ICA1: variants seen among roughly 807,000 people sequenced by gnomAD.
ICA1 encodes the protein islet cell autoantigen 1.
In ICA1, 40 loss-of-function variants were observed where a neutral mutation model predicts 71.0. That is an observed-to-expected ratio of 0.56 (90% CI 0.44 to 0.73). The LOEUF is 0.73. Among genes scored for constraint, ICA1 ranks in the 30% least tolerant of loss-of-function variants. The pLI is 0.00. For missense variants in ICA1, 578 were observed against 576.5 expected, an observed-to-expected ratio of 1.00 and a Z score of -0.03; for synonymous variants, 207 against 209.5, an observed-to-expected ratio of 0.99 and a Z score of 0.10.
At chr7:8,133,922 A>C (rs1792406968) in intron 12 of ICA1, among the ~76,000 whole-genome samples, 2 of 151,688 alleles carry the variant, frequency 1.3e-5, no homozygotes, top group Admixed American at 6.6e-5. Context: ...CAGATAAGGA[A>C]AAAGACCCAG....
At chr7:8,209,650 A>C (rs1374250490) in intron 6 of ICA1, among the ~76,000 whole-genome samples, 2 of 152,230 alleles carry the variant, frequency 1.3e-5, no homozygotes, top group Non-Finnish European at 2.9e-5. Context: ...CATTTATTGA[A>C]TATCTACCAA....
chr7:8,145,349 T>C (rs1212754107), intron 8 of ICA1, among the ~76,000 whole-genome samples: 1 of 152,124 alleles, frequency 6.6e-6, no homozygotes, highest in Non-Finnish European at 1.5e-5. Context: ...GGTCTCCTCA[T>C]AGTCTCCCAT....
intron 6 of ICA1, among the ~76,000 whole-genome samples, chr7:8,165,181 C>T (rs6463778): frequency 0.8 from 121,319 of 152,210 alleles, 48,621 homozygotes; most frequent in African/African-American, 0.86. Context: ...CAAGACCTCT[C>T]GAGGGCCAAA....
At chr7:8,259,717 C>T (rs985646162) in intron 1 of ICA1, among the ~76,000 whole-genome samples, 8 of 152,096 alleles carry the variant, frequency 5.3e-5, no homozygotes, top group African/African-American at 1.7e-4. Context: ...TAGGTGTTAC[C>T]GCAGGGATTC....
intron 6 of ICA1, among the ~76,000 whole-genome samples, chr7:8,177,089 T>C (rs990261892): frequency 5.3e-5 from 8 of 152,228 alleles, no homozygotes; most frequent in African/African-American, 1.9e-4. Flanking sequence ...TTCTAATGCA[T>C]ACAAAATTTG....
intron 1 of ICA1, among the ~76,000 whole-genome samples, chr7:8,244,773 G>T (rs2348906): frequency 0.36 from 54,521 of 152,048 alleles, 10,142 homozygotes; most frequent in East Asian, 0.5. Context: ...CTTCACAAAA[G>T]AATACATTTA....
Position 8,130,830 on chromosome 7 carries a change from T to G in ICA1, c.1061-2688A>C, listed in dbSNP as rs1052400194. On this transcript the variant is annotated intron_variant, in intron 12 of 13. Transcript: ENST00000402384. The surrounding 1 kb of genome is among the most constrained non-coding windows in gnomAD (Gnocchi z 4.2). ...TGTAATAGCTCCATCTTTGTTTTTA[T>G]TGTTTAGGTTTTGTGCTATGGTGTT... Among the ~76,000 whole-genome samples, 1 of 152,238 alleles carries G rather than the reference T, an allele frequency of 6.6e-6. No individual in the cohort carries two copies. Among genetic ancestry groups the G allele is most frequent in the Non-Finnish European group, 1.5e-5 (1 of 68,048 alleles).
In ICA1 at chr7:8,221,300, C is replaced by G. The variant is rs776081036; in HGVS notation, c.355G>C (p.Ala119Pro). 2.5e-6 allele frequency: 4 copies of G among 1,613,580 alleles called. No individual in the cohort carries two copies. Among genetic ancestry groups the G allele is most frequent in the Non-Finnish European group, 8.5e-7 (1 of 1,179,704 alleles). ...CTTTGCTGGGAAGAAAAGCAGAGGGCCTTTCCTGTCGCTTGCATCATCTTT... is the reference window on the plus strand; with the variant it reads ...CTTTGCTGGGAAGAAAAGCAGAGGGGCTTTCCTGTCGCTTGCATCATCTTT... The part of the protein sequence containing the change: ...AGKMMQATGK[A>P]LCFSSQQRLA... The change falls in exon 5 of 14, where the codon GCC (alanine) becomes CCC (proline). Residue 119 changes from alanine (A) to proline (P), a missense_variant. Ala to Pro is a conservative substitution (Grantham distance 27, BLOSUM62 -1). Coordinates refer to ENST00000402384, the MANE Select transcript of ICA1 (RefSeq NM_001136020.3).
rs150299624 is a variant in ICA1 at position 8,132,691 on chromosome 7, T to A, written c.1061-4549A>T. Reference sequence around the variant, plus strand: ...TGACAGTACCTTCTCCACTGCCTCCTCCTATTCTGGCTGCCCTTAAGGTTT... The same window carrying A: ...TGACAGTACCTTCTCCACTGCCTCCACCTATTCTGGCTGCCCTTAAGGTTT... On this transcript the variant is annotated intron_variant, in intron 12 of 13. Transcript: ENST00000402384. The surrounding 1 kb of genome is among the most constrained non-coding windows in gnomAD (Gnocchi z 4.5). Among the ~76,000 whole-genome samples the A allele has an allele frequency of 2.0e-3, 298 of 152,326 alleles. 1 individual carries two copies. Among genetic ancestry groups the A allele is most frequent in the African/African-American group, 6.7e-3 (278 of 41,584 alleles).
chr7:8,216,076 T>C (rs1465215821), intron 6 of ICA1, among the ~76,000 whole-genome samples: 1 of 152,230 alleles, frequency 6.6e-6, no homozygotes, highest in Non-Finnish European at 1.5e-5. Flanking sequence ...ACGCAACTTC[T>C]TACCTGCAAA....
chr7:8,218,358 C>A lies in ICA1; in HGVS notation c.526G>T (p.Val176Leu). ...YRGALLWMKD[V>L]SQELDPDLYK... ...AGGTCTGGATCAAGCTCCTGAGACACGTCCTTCATCCATAATAGTGCTCCT... is the reference window on the plus strand; with the variant it reads ...AGGTCTGGATCAAGCTCCTGAGACAAGTCCTTCATCCATAATAGTGCTCCT... Residue 176 changes from valine (V) to leucine (L), a missense_variant, in exon 6 of 14, where the codon GTG (valine) becomes TTG (leucine). Transcript: ENST00000402384. 1 of 1,614,130 alleles carries A rather than the reference C, an allele frequency of 6.2e-7. No individual in the cohort carries two copies. Among genetic ancestry groups the A allele is most frequent in the Non-Finnish European group, 8.5e-7 (1 of 1,179,992 alleles).
At chr7:8,228,807 CG>C in intron 3 of ICA1, 134 bp from the exon 4 acceptor site, 1 of 539,934 alleles carries the variant, frequency 1.9e-6, no homozygotes, top group Non-Finnish European at 3.2e-6. Flanking sequence ...TAGTGTTATG[CG>C]GTGTACTATA....
intron 6 of ICA1, among the ~76,000 whole-genome samples, chr7:8,191,378 G>A (rs1328669378): frequency 6.6e-6 from 1 of 152,196 alleles, no homozygotes; most frequent in Admixed American, 6.5e-5. Flanking sequence ...AAAGCAACAT[G>A]TATTCAGCAG....
At chr7:8,125,642 A>C (rs1043209147) in intron 13 of ICA1, among the ~76,000 whole-genome samples, 17 of 152,172 alleles carry the variant, frequency 1.1e-4, no homozygotes, top group Admixed American at 3.3e-4. Context: ...GCCTGTCTGC[A>C]TCCTGTTACA....
At chr7:8,150,152 GA>G (rs1798327596) in intron 8 of ICA1, among the ~76,000 whole-genome samples, 1 of 152,148 alleles carries the variant, frequency 6.6e-6, no homozygotes, top group African/African-American at 2.4e-5. Context: ...TACTGTCCTG[GA>G]AACAAATGGA....
rs1352105042 is a variant in ICA1, at chr7:8,262,155, A to C, written c.-141T>G. 6.6e-6 allele frequency: 1 copy of C among 151,994 alleles called. No homozygotes were observed. Among genetic ancestry groups the C allele is most frequent in the African/African-American group, 2.4e-5 (1 of 41,384 alleles). 9.4% of individuals were successfully genotyped at this position (151,994 alleles called of 1,614,324 possible). On this transcript the variant is annotated 5_prime_UTR_variant, in exon 1 of 14. It removes an upstream start codon present in the reference 5' UTR. Coordinates refer to ENST00000402384, the MANE Select transcript of ICA1 (RefSeq NM_001136020.3). ...GTCGGAGCGTCCCTCCGGATCACTC[A>C]TCCGACGTCAGCGTCAGCCGAAGGC...
chr7:8,190,080 G>A (rs1024246981), intron 6 of ICA1, among the ~76,000 whole-genome samples: 1 of 152,100 alleles, frequency 6.6e-6, no homozygotes, highest in Non-Finnish European at 1.5e-5. Context: ...CTTTACTTTT[G>A]CACAAAATTC....
chr7:8,156,658 A>G (rs1801620342), intron 8 of ICA1: 1 of 594,188 alleles, frequency 1.7e-6, no homozygotes, highest in African/African-American at 1.9e-5. Flanking sequence ...TACTCTCAGA[A>G]TAAAATGATA....
chr7:8,244,664 T>C (rs1275146900), intron 1 of ICA1, among the ~76,000 whole-genome samples: 1 of 152,098 alleles, frequency 6.6e-6, no homozygotes, highest in Non-Finnish European at 1.5e-5. Context: ...ACCCATCTGA[T>C]AAAGGGATAA....
Sources: gnomAD v4.1 joint callset for allele counts (sites outside exome capture counted in the v4.1 genomes callset) on GRCh38, gnomAD v4.1.1 for gene constraint, Gnocchi (gnomAD v3.1) non-coding constraint, MANE v1.5 for transcripts, NCBI Gene and HGNC (gene_info 2026-07-23, HGNC 2026-07-21) for gene names.